Variants in FAM227B observed in about 807,000 individuals in gnomAD.
FAM227B encodes the protein protein FAM227B.
A neutral mutation model predicts 73.8 loss-of-function variants in FAM227B; 88 were observed. That is an observed-to-expected ratio of 1.19 (90% CI 1.00 to 1.42). FAM227B has a LOEUF of 1.42. Ranked by LOEUF, FAM227B falls within the 40% of genes most tolerant of loss-of-function variation. The probability of loss-of-function intolerance (pLI) is 0.00; values close to 1 mark genes in which losing one functional copy is unlikely to be tolerated. For synonymous variants in FAM227B, 210 were observed against 190.5 expected (o/e 1.10, Z -0.84); for missense variants, 632 against 590.9 (o/e 1.07, Z -0.72).
intron 1 of FAM227B, 114 bp from the exon 2 acceptor site, chr15:49,615,357 G>A: frequency 1.6e-6 from 1 of 607,664 alleles, no homozygotes. Context: ...GTTTGGCTCT[G>A]TATCTCCACT....
At chr15:49,615,438 G>C (rs2153341651) in intron 1 of FAM227B, among the ~76,000 whole-genome samples, 195 bp from the exon 2 acceptor site, 1 of 152,294 alleles carries the variant, frequency 6.6e-6, no homozygotes, top group South Asian at 2.1e-4. Flanking sequence ...ATTGGATCAT[G>C]GGGGTGGTTT....
At chr15:49,441,249 G>T (rs2051612586) in intron 11 of FAM227B, among the ~76,000 whole-genome samples, 1 of 151,642 alleles carries the variant, frequency 6.6e-6, no homozygotes, top group Admixed American at 6.6e-5. Flanking sequence ...CCACAACTTA[G>T]ATTTTCAAAT....
intron 13 of FAM227B, among the ~76,000 whole-genome samples, chr15:49,361,270 A>G (rs1596532520): frequency 6.6e-6 from 1 of 152,122 alleles, no homozygotes. Context: ...TTTTAGGTTC[A>G]GGGGTACATG....
At chr15:49,614,411 T>C (rs1165662048) in intron 2 of FAM227B, among the ~76,000 whole-genome samples, 1 of 152,204 alleles carries the variant, frequency 6.6e-6, no homozygotes, top group Non-Finnish European at 1.5e-5. Flanking sequence ...CATTCAGAGT[T>C]CCTTGTTCAA....
chr15:49,358,021 T>C (rs1290921134), intron 13 of FAM227B, among the ~76,000 whole-genome samples: 1 of 151,984 alleles, frequency 6.6e-6, no homozygotes, highest in Non-Finnish European at 1.5e-5. Flanking sequence ...GAAAAAGCCT[T>C]TGACAAAATT....
At chr15:49,339,263 T>C (rs1474261489) in intron 13 of FAM227B, among the ~76,000 whole-genome samples, 11 of 152,222 alleles carry the variant, frequency 7.2e-5, no homozygotes, top group Non-Finnish European at 1.2e-4. Flanking sequence ...CCCATCTTCA[T>C]GGATTTATGT....
Position 49,611,248 on chromosome 15 carries a change from C to G in FAM227B, c.72G>C (p.Lys24Asn), listed in dbSNP as rs1443749336. The G allele has an allele frequency of 6.3e-7, 1 of 1,592,476 alleles. No individual in the cohort carries two copies. The highest frequency in any genetic ancestry group is 1.1e-5 in the South Asian group (1 of 88,850). ...GAAACTTTAAGAATTCTTCAATGCT[C>G]TTTGGAGGTTCTTGCATTTTCTAAT... is the stretch of plus-strand genomic sequence containing the variant. ...AGPGKMQEPP[K>N]SIEEFLKFQN... The change falls in exon 3 of 16, where the codon AAG becomes AAC. Residue 24 changes from lysine (K) to asparagine (N), a missense_variant. Transcript: ENST00000299338.
intron 2 of FAM227B, 95 bp downstream of exon 2, chr15:49,615,026 A>T (rs2078199677): frequency 8.7e-7 from 1 of 1,146,890 alleles, no homozygotes; most frequent in Admixed American, 1.7e-5. Flanking sequence ...TGTTTCAGTG[A>T]CAAAGCCAGC....
At chr15:49,602,080 T>C (rs912466485) in intron 3 of FAM227B, among the ~76,000 whole-genome samples, 2 of 152,208 alleles carry the variant, frequency 1.3e-5, no homozygotes, top group Admixed American at 1.3e-4. Context: ...ATCTTAGCTA[T>C]TGTGAACAGT....
chr15:49,557,327 G>C (rs1390579512), intron 9 of FAM227B, among the ~76,000 whole-genome samples: 1 of 151,928 alleles, frequency 6.6e-6, no homozygotes, highest in African/African-American at 2.4e-5. Flanking sequence ...AGTAAGAGTT[G>C]AAAATCCAGT....
At chr15:49,329,204 G>A (rs2038112217) in intron 15 of FAM227B, 2 of 986,410 alleles carry the variant, frequency 2.0e-6, no homozygotes, top group Non-Finnish European at 2.4e-6. Context: ...AATGAATTCT[G>A]GGATTTGTAA....
chr15:49,609,472 A>T (rs1244208142), intron 3 of FAM227B, among the ~76,000 whole-genome samples: 2 of 151,996 alleles, frequency 1.3e-5, no homozygotes, highest in Admixed American at 1.3e-4. Context: ...TGTAGGTTGC[A>T]AGTACTATTA....
intron 8 of FAM227B, among the ~76,000 whole-genome samples, chr15:49,571,718 T>C (rs2075120301): frequency 6.6e-6 from 1 of 151,986 alleles, no homozygotes; most frequent in Admixed American, 6.6e-5. Flanking sequence ...TCTGTTTTTA[T>C]GCCAATACTC....
intron 11 of FAM227B, among the ~76,000 whole-genome samples, chr15:49,504,715 C>A (rs1336300505): frequency 2.6e-5 from 4 of 152,140 alleles, no homozygotes; most frequent in Non-Finnish European, 5.9e-5. Flanking sequence ...TGTAAACTTC[C>A]TGAGGCCTTC....
At chr15:49,480,872 T>C (rs1281818966) in intron 11 of FAM227B, among the ~76,000 whole-genome samples, 1 of 152,156 alleles carries the variant, frequency 6.6e-6, no homozygotes, top group African/African-American at 2.4e-5. Context: ...CAATATGAAC[T>C]TATTGTCATG....
chr15:49,459,859 A>AT (rs2053637264), intron 11 of FAM227B, among the ~76,000 whole-genome samples: 2 of 152,136 alleles, frequency 1.3e-5, no homozygotes, highest in South Asian at 4.1e-4. Context: ...GTATCTTGAC[A>AT]TGGGCATAAA....
At chr15:49,484,017 G>A (rs2056183270) in intron 11 of FAM227B, among the ~76,000 whole-genome samples, 1 of 151,952 alleles carries the variant, frequency 6.6e-6, no homozygotes, top group Admixed American at 6.6e-5. Context: ...TGTTACTTAG[G>A]GGGAAATAGG....
Position 49,568,343 on chromosome 15 carries a change from C to A in FAM227B, c.649G>T (p.Asp217Tyr). 6.2e-7 allele frequency: 1 copy of A among 1,603,462 alleles called. No homozygotes were observed. Among genetic ancestry groups the A allele is most frequent in the South Asian group, 1.1e-5 (1 of 89,250 alleles). ...AATAAGCAATCTTGGTTTTCTCTGT[C>A]AGGCTTAAAAAAATGTGTGAAATTA... ...WWWFLHKFRP[D>Y]RENQDCLFDR... The change falls in exon 9 of 16, where the codon GAC (aspartate) becomes TAC (tyrosine). Residue 217 changes from aspartate to tyrosine, a missense_variant. Coordinates refer to ENST00000299338, the MANE Select transcript of FAM227B (RefSeq NM_152647.3).
At chr15:49,422,893 T>G (rs1158635650) in intron 11 of FAM227B, among the ~76,000 whole-genome samples, 4 of 152,202 alleles carry the variant, frequency 2.6e-5, no homozygotes, top group Non-Finnish European at 5.9e-5. Flanking sequence ...AATGCATGTA[T>G]CATAAAGCTA....
Sources: allele counts gnomAD v4.1 joint callset (sites outside exome capture counted in the v4.1 genomes callset), GRCh38; gene constraint gnomAD v4.1.1; transcripts MANE v1.5; gene names NCBI Gene and HGNC (gene_info 2026-07-23, HGNC 2026-07-21).